PIP4K2A: variants seen among roughly 807,000 people sequenced by gnomAD.
PIP4K2A encodes the protein phosphatidylinositol 5-phosphate 4-kinase type-2 alpha.
In PIP4K2A, 14 loss-of-function variants were observed where a neutral mutation model predicts 42.9. The observed-to-expected ratio is 0.33, with a 90% CI of 0.22 to 0.51. The LOEUF (loss-of-function observed/expected upper bound fraction) is 0.51. PIP4K2A is among the 20% of genes least tolerant of loss of function. The pLI, the probability that PIP4K2A is intolerant of heterozygous loss-of-function variation, is 0.97. For missense variants in PIP4K2A, 434 were observed against 519.8 expected (o/e 0.83, Z 1.61); for synonymous variants, 192 against 192.2 (o/e 1.00, Z 0.01).
At chr10:22,646,958 C>G (rs563851414) in intron 1 of PIP4K2A, among the ~76,000 whole-genome samples, 1 of 143,964 alleles carries the variant, frequency 6.9e-6, no homozygotes, top group Non-Finnish European at 1.5e-5. Flanking sequence ...CAAAACAAAA[C>G]AAAAAAAAAC....
intron 4 of PIP4K2A, among the ~76,000 whole-genome samples, chr10:22,587,755 T>G (rs1193248119): frequency 1.3e-5 from 2 of 152,158 alleles, no homozygotes; most frequent in African/African-American, 4.8e-5. Context: ...GAAGCCAGAA[T>G]GGGAGAGGGC....
intron 1 of PIP4K2A, among the ~76,000 whole-genome samples, chr10:22,695,050 C>A (rs1340142923): frequency 2.0e-5 from 3 of 152,108 alleles, no homozygotes; most frequent in African/African-American, 7.2e-5. Context: ...AACCAAATAG[C>A]AAAATGAATA....
intron 1 of PIP4K2A, among the ~76,000 whole-genome samples, chr10:22,611,648 G>A (rs1245744807): frequency 6.6e-6 from 1 of 152,134 alleles, no homozygotes; most frequent in Non-Finnish European, 1.5e-5. Context: ...AGCTTCTCCA[G>A]TTCACTTTAC....
intron 1 of PIP4K2A, among the ~76,000 whole-genome samples, chr10:22,612,958 TGTGATG>T (rs1838090444): frequency 6.6e-6 from 1 of 151,662 alleles, no homozygotes; most frequent in Non-Finnish European, 1.5e-5. Flanking sequence ...GAGGGGCCGG[TGTGATG>T]GGGAGGAAGG....
intron 7 of PIP4K2A, among the ~76,000 whole-genome samples, chr10:22,544,569 C>T (rs766586579): frequency 9.2e-5 from 14 of 152,178 alleles, no homozygotes; most frequent in Non-Finnish European, 1.8e-4. Flanking sequence ...GGCCCCCCTT[C>T]TGCCCACACC....
At chr10:22,555,054 C>T (rs561510070) in intron 6 of PIP4K2A, among the ~76,000 whole-genome samples, 1 of 152,340 alleles carries the variant, frequency 6.6e-6, no homozygotes, top group South Asian at 2.1e-4. Flanking sequence ...CAGGCATCAG[C>T]AGAGGGACGC....
At chr10:22,593,520 C>G (rs1171261769) in intron 3 of PIP4K2A, among the ~76,000 whole-genome samples, 2 of 152,096 alleles carry the variant, frequency 1.3e-5, no homozygotes, top group Non-Finnish European at 2.9e-5. Context: ...ATTTTTCTTT[C>G]CTAAAACATG....
rs200026133 is a variant in PIP4K2A at position 22,705,636 on chromosome 10, T to A, written c.144+8547A>T. On this transcript the variant is annotated intron_variant, in intron 1 of 9. Coordinates refer to ENST00000376573, the MANE Select transcript of PIP4K2A (RefSeq NM_005028.5). ...GATGGGTGTTTCTCAGACTTAAATA[T>A]GCTGACGATCAACATGTCTTGTTAA... 2.6e-4 allele frequency among the ~76,000 whole-genome samples: 39 copies of A among 151,940 alleles called. No homozygotes were observed. The East Asian group carries it at 5.5e-3, about 21-fold the overall frequency.
At chr10:22,657,690 G>T (rs1355201838) in intron 1 of PIP4K2A, among the ~76,000 whole-genome samples, 1 of 152,202 alleles carries the variant, frequency 6.6e-6, no homozygotes, top group Admixed American at 6.5e-5. Context: ...ACAAAGACTT[G>T]ATGTCATAGC....
chr10:22,659,241 A>G (rs1346037513), intron 1 of PIP4K2A, among the ~76,000 whole-genome samples: 1 of 152,142 alleles, frequency 6.6e-6, no homozygotes, highest in Non-Finnish European at 1.5e-5. Context: ...CACTGAATAT[A>G]CTCATAACAC....
chr10:22,557,317 T>C (rs983376436), intron 6 of PIP4K2A, among the ~76,000 whole-genome samples: 2 of 152,218 alleles, frequency 1.3e-5, no homozygotes, highest in African/African-American at 4.8e-5. Context: ...AAAAAGGAGC[T>C]AAAAAGCAAC....
Position 22,540,123 on chromosome 10 carries a change from G to A in PIP4K2A, c.1037-49C>T, listed in dbSNP as rs781103268. ...CTGTGGGACATGTGACAACACCAGT[G>A]CCAGCATTGCTGCTGAGGGAGGGAG... On this transcript the variant is annotated intron_variant, in intron 8 of 9. Transcript: ENST00000376573. 3.6e-5 allele frequency: 27 copies of A among 753,692 alleles called. No individual in the cohort carries two copies. The East Asian group carries it at 7.6e-4, about 21-fold the overall frequency. The allele number at this position is 753,692 out of a possible 1,614,324, so 46.7% of individuals were successfully genotyped here.
At chr10:22,559,597 C>T (rs968414478) in intron 6 of PIP4K2A, among the ~76,000 whole-genome samples, 2 of 152,122 alleles carry the variant, frequency 1.3e-5, no homozygotes, top group African/African-American at 4.8e-5. Context: ...ACTTCATTTC[C>T]AGAATACCCC....
Position 22,539,979 on chromosome 10 carries a change from T to G in PIP4K2A, c.1132A>C (p.Lys378Gln). 6.3e-7 allele frequency: 1 copy of G among 1,589,732 alleles called. No individual in the cohort carries two copies. The highest frequency in any genetic ancestry group is 8.6e-7 in the Non-Finnish European group (1 of 1,157,852). The change falls in exon 9 of 10, where the codon AAA (lysine) becomes CAA (glutamine). Residue 378 changes from lysine to glutamine, a missense_variant. By Grantham distance (53) the Lys-to-Gln change is moderately conservative. Around this residue, in one of 2 missense-constraint regions of PIP4K2A, gnomAD observed 39 missense variants for 75.3 expected, o/e 0.52. Coordinates refer to ENST00000376573, the MANE Select transcript of PIP4K2A (RefSeq NM_005028.5). ...AAAATGGAGATACTCACGCCATGTTTAACAGTTTTTGCAGCATGGGCAGCT... is the reference window on the plus strand; with the variant it reads ...AAAATGGAGATACTCACGCCATGTTGAACAGTTTTTGCAGCATGGGCAGCT... ...KKAAHAAKTV[K>Q]HGAGAEISTV...
intron 1 of PIP4K2A, among the ~76,000 whole-genome samples, chr10:22,705,167 A>G (rs999331164): frequency 6.6e-6 from 1 of 152,038 alleles, no homozygotes; most frequent in African/African-American, 2.4e-5. Context: ...GACTTCAGAG[A>G]GTGGAGAACA....
intron 2 of PIP4K2A, among the ~76,000 whole-genome samples, chr10:22,608,941 T>C (rs1305406004): frequency 6.6e-6 from 1 of 152,236 alleles, no homozygotes; most frequent in African/African-American, 2.4e-5. Context: ...TCATTCAGAA[T>C]TGTTTCCCTC....
chr10:22,587,300 C>T (rs541186366), intron 4 of PIP4K2A, among the ~76,000 whole-genome samples: 10 of 152,258 alleles, frequency 6.6e-5, no homozygotes, highest in Admixed American at 3.3e-4. Flanking sequence ...ATTCACTCCA[C>T]GGGAGAAACC....
At chr10:22,596,510 T>C (rs984432795) in intron 3 of PIP4K2A, among the ~76,000 whole-genome samples, 1 of 152,218 alleles carries the variant, frequency 6.6e-6, no homozygotes, top group Non-Finnish European at 1.5e-5. Context: ...ACACAGTCAC[T>C]GTGCTGCCTC....
intron 1 of PIP4K2A, among the ~76,000 whole-genome samples, chr10:22,664,128 T>TATATATACATATATATAC (rs1564460040): frequency 1.6e-5 from 1 of 61,754 alleles, no homozygotes; most frequent in South Asian, 3.8e-4. Context: ...TATATATATA[T>TATATATACATATATATAC]ACATATATAT....
Sources: allele counts gnomAD v4.1 joint callset (sites outside exome capture counted in the v4.1 genomes callset), GRCh38; gene constraint gnomAD v4.1.1; regional missense constraint gnomAD v4.1.1; transcripts MANE v1.5; gene names NCBI Gene and HGNC (gene_info 2026-07-23, HGNC 2026-07-21).